CIMIP6: variants seen among roughly 807,000 people sequenced by gnomAD.
The protein encoded by CIMIP6 is ciliary microtubule inner protein 6.
chr2:54,355,458 C>A, the CIMIP6 span, among the ~76,000 whole-genome samples: 1 of 152,080 alleles, frequency 6.6e-6, no homozygotes, highest in Non-Finnish European at 1.5e-5. Flanking sequence ...TTTTCTCCTG[C>A]CCCTGCTACC....
the CIMIP6 span, chr2:54,382,103 A>T: frequency 8.1e-7 from 1 of 1,228,950 alleles, no homozygotes; most frequent in South Asian, 1.9e-5. Flanking sequence ...ACAAAGCACA[A>T]ATTTCCTACT....
chr2:54,332,055 G>C, the CIMIP6 span, among the ~76,000 whole-genome samples: 5 of 152,184 alleles, frequency 3.3e-5, no homozygotes, highest in African/African-American at 9.7e-5. Flanking sequence ...TGCCAATGCT[G>C]CTACTCCAGT....
At chr2:54,380,516 T>TG in the CIMIP6 span, among the ~76,000 whole-genome samples, 1,432 of 152,312 alleles carry the variant, frequency 9.4e-3, 27 homozygotes, top group African/African-American at 0.032. Flanking sequence ...TAACTTTCTA[T>TG]ATTGACCCAA....
the CIMIP6 span, chr2:54,330,992 A>T: frequency 6.2e-7 from 1 of 1,613,710 alleles, no homozygotes; most frequent in Non-Finnish European, 8.5e-7. Context: ...GAAAAGGAAG[A>T]TAAGCATCAG....
chr2:54,340,960 G>A, the CIMIP6 span, among the ~76,000 whole-genome samples: 1 of 151,950 alleles, frequency 6.6e-6, no homozygotes, highest in African/African-American at 2.4e-5. Context: ...GTGAGACCCT[G>A]GCTCAAAAAA....
At chr2:54,343,959 C>A in the CIMIP6 span, 1 of 1,185,880 alleles carries the variant, frequency 8.4e-7, no homozygotes, top group Non-Finnish European at 1.1e-6. Context: ...CCGGACAGCT[C>A]CTGAAAATAA....
At chr2:54,364,477 T>C in the CIMIP6 span, among the ~76,000 whole-genome samples, 2 of 152,236 alleles carry the variant, frequency 1.3e-5, no homozygotes, top group African/African-American at 4.8e-5. Flanking sequence ...AAATCTATTA[T>C]CTTATGTGAC....
the CIMIP6 span, among the ~76,000 whole-genome samples, chr2:54,356,552 G>C: frequency 6.6e-6 from 1 of 151,926 alleles, no homozygotes; most frequent in Non-Finnish European, 1.5e-5. Context: ...TGGTAGCTCC[G>C]GTTCCTGCTT....
At chr2:54,378,301 C>G in the CIMIP6 span, among the ~76,000 whole-genome samples, 1 of 152,240 alleles carries the variant, frequency 6.6e-6, no homozygotes, top group Admixed American at 6.5e-5. Context: ...CAGTGCTAGT[C>G]TTTCCTGCGA....
the CIMIP6 span, chr2:54,360,383 C>A: frequency 6.2e-7 from 1 of 1,609,172 alleles, no homozygotes; most frequent in East Asian, 2.2e-5. Context: ...ACAAAATTCT[C>A]AGGAGCTGTT....
At chr2:54,358,757 G>A in the CIMIP6 span, among the ~76,000 whole-genome samples, 1 of 151,702 alleles carries the variant, frequency 6.6e-6, no homozygotes, top group Admixed American at 6.6e-5. Context: ...TCCACACGTG[G>A]GGCTAATTTG....
At chr2:54,333,965 A>G in the CIMIP6 span, among the ~76,000 whole-genome samples, 1 of 152,192 alleles carries the variant, frequency 6.6e-6, no homozygotes, top group Non-Finnish European at 1.5e-5. Flanking sequence ...CAGGTGTTAT[A>G]CTTTAAGGGC....
the CIMIP6 span, among the ~76,000 whole-genome samples, chr2:54,375,144 AT>A: frequency 1.3e-5 from 2 of 152,344 alleles, no homozygotes; most frequent in East Asian, 3.8e-4. Flanking sequence ...CAGCAGGTTT[AT>A]CTACAAAAGA....
At chr2:54,336,582 G>T in the CIMIP6 span, among the ~76,000 whole-genome samples, 1 of 152,164 alleles carries the variant, frequency 6.6e-6, no homozygotes, top group African/African-American at 2.4e-5. Context: ...AGACACTAGA[G>T]ATACAGCAGT....
At chr2:54,357,917 C>G in the CIMIP6 span, among the ~76,000 whole-genome samples, 2 of 151,930 alleles carry the variant, frequency 1.3e-5, no homozygotes, top group African/African-American at 4.8e-5. Context: ...AAATTTTTGT[C>G]CTTGATAGAA....
chr2:54,375,885 G>GGGGT, the CIMIP6 span, among the ~76,000 whole-genome samples: 2 of 150,132 alleles, frequency 1.3e-5, no homozygotes, highest in African/African-American at 4.9e-5. Context: ...TCATATAGGG[G>GGGGT]GTGTGTGTGT....
chr2:54,359,107 A>G, the CIMIP6 span: 1 of 1,167,454 alleles, frequency 8.6e-7, no homozygotes, highest in East Asian at 2.6e-5. Context: ...TTAATACTTT[A>G]AGACAGAGTA....
At chr2:54,384,119 C>T in the CIMIP6 span, among the ~76,000 whole-genome samples, 1 of 152,336 alleles carries the variant, frequency 6.6e-6, no homozygotes, top group South Asian at 2.1e-4. Context: ...TGAGAAATTA[C>T]AAGACGCCTG....
the CIMIP6 span, among the ~76,000 whole-genome samples, chr2:54,375,886 G>A: frequency 7.2e-6 from 1 of 139,782 alleles, no homozygotes; most frequent in South Asian, 2.4e-4. Context: ...CATATAGGGG[G>A]TGTGTGTGTG....
Sources: allele counts gnomAD v4.1 joint callset (sites outside exome capture counted in the v4.1 genomes callset), GRCh38; gene constraint gnomAD v4.1.1; transcripts MANE v1.5; gene names NCBI Gene and HGNC (gene_info 2026-07-23, HGNC 2026-07-21).